RPRD1A: variants seen among roughly 807,000 people sequenced by gnomAD.
RPRD1A encodes regulation of nuclear pre-mRNA domain-containing protein 1A.
A neutral mutation model predicts 37.8 loss-of-function variants in RPRD1A; 9 were observed. The observed-to-expected ratio is 0.24, with a 90% CI of 0.14 to 0.42. The LOEUF is 0.42. Ranked by LOEUF, RPRD1A falls within the 10% of genes least tolerant of loss-of-function variation. The pLI, the probability that RPRD1A is intolerant of heterozygous loss-of-function variation, is 1.00. For synonymous variants in RPRD1A, 138 were observed against 139.7 expected (o/e 0.99, Z 0.08); for missense variants, 255 against 371.0 (o/e 0.69, Z 2.57).
At position 36,012,552 on chromosome 18, in the gene RPRD1A, A is replaced by C. The variant is rs567677037; in HGVS notation, c.789+14348T>G. ...CTAGAAGCAATAGGCTATACCATAA[A>C]GCCTCAGTGGGTAGTAGGTATACCA... On this transcript the variant is annotated intron_variant, in intron 6 of 6. Transcript: ENST00000399022. 4.6e-5 allele frequency among the ~76,000 whole-genome samples: 7 copies of C among 152,300 alleles called. No homozygotes were observed. The South Asian group carries it at 1.4e-3, about 32-fold the overall frequency.
intron 6 of RPRD1A, among the ~76,000 whole-genome samples, chr18:36,003,526 G>A (rs574109516): frequency 1.2e-4 from 18 of 152,298 alleles, no homozygotes; most frequent in African/African-American, 4.3e-4. Context: ...CAGACCAACG[G>A]TCTGACCTGT....
intron 4 of RPRD1A, among the ~76,000 whole-genome samples, chr18:36,029,810 C>CT (rs1003109258): frequency 1.1e-3 from 161 of 145,082 alleles, no homozygotes; most frequent in Non-Finnish European, 1.2e-3. Context: ...TCTAACACTA[C>CT]TTTTTTTTTT....
chr18:36,052,140 G>A (rs567601892), intron 1 of RPRD1A, among the ~76,000 whole-genome samples: 55 of 126,966 alleles, frequency 4.3e-4, no homozygotes, highest in South Asian at 1.4e-3. Flanking sequence ...GTGAGACAAT[G>A]TATTTAACAT....
intron 1 of RPRD1A, among the ~76,000 whole-genome samples, chr18:36,052,127 A>T (rs1913439863): frequency 6.7e-6 from 1 of 149,612 alleles, no homozygotes; most frequent in African/African-American, 2.5e-5. Flanking sequence ...AGACCAGAAA[A>T]CAGTGAGACA....
At chr18:36,033,886 G>T (rs559848262) in intron 1 of RPRD1A, 49 bp from the exon 2 acceptor site, 2 of 1,513,110 alleles carry the variant, frequency 1.3e-6, no homozygotes, top group Admixed American at 3.8e-5. Context: ...TCTTTACTTG[G>T]ACAAACTTTC....
chr18:36,006,530 G>T (rs1909758891), intron 6 of RPRD1A, among the ~76,000 whole-genome samples: 1 of 152,150 alleles, frequency 6.6e-6, no homozygotes, highest in Non-Finnish European at 1.5e-5. Context: ...GAGAGTGGTA[G>T]TTTTTCACCC....
intron 6 of RPRD1A, 140 bp from the exon 7 acceptor site, chr18:35,993,440 T>C (rs1488052812): frequency 5.3e-6 from 4 of 756,326 alleles, no homozygotes; most frequent in African/African-American, 1.8e-5. Flanking sequence ...AGTTTTCACA[T>C]CAAAAGATGA....
chr18:36,030,731 G>A (rs1014430691), intron 4 of RPRD1A, 77 bp downstream of exon 4: 18 of 846,796 alleles, frequency 2.1e-5, no homozygotes, highest in Non-Finnish European at 3.4e-5. Flanking sequence ...ATTTACAGAA[G>A]TGAAACGAAA....
intron 6 of RPRD1A, among the ~76,000 whole-genome samples, chr18:36,019,552 G>A (rs1329997506): frequency 6.6e-6 from 1 of 152,170 alleles, no homozygotes; most frequent in African/African-American, 2.4e-5. Context: ...GACAGGGGTG[G>A]TTTGGCAGCA....
chr18:35,995,297 T>A (rs1908978142), intron 6 of RPRD1A, among the ~76,000 whole-genome samples: 1 of 150,540 alleles, frequency 6.6e-6, no homozygotes, highest in Non-Finnish European at 1.5e-5. Context: ...GAGTTTCGCT[T>A]TTGTTGCCCA....
At chr18:36,060,240 A>G (rs1236493311) in intron 1 of RPRD1A, among the ~76,000 whole-genome samples, 2 of 152,180 alleles carry the variant, frequency 1.3e-5, no homozygotes, top group East Asian at 1.9e-4. Context: ...GACCATCCTG[A>G]CTAACACGGT....
chr18:35,996,432 G>A (rs1909060819), intron 6 of RPRD1A, among the ~76,000 whole-genome samples: 1 of 152,004 alleles, frequency 6.6e-6, no homozygotes, highest in African/African-American at 2.4e-5. Context: ...ATAACACGCT[G>A]GTTTCCCTTC....
At position 36,027,183 on chromosome 18, in the gene RPRD1A, C is replaced by T; in HGVS notation, c.613+1G>A. 6.2e-7 allele frequency: 1 copy of T among 1,613,724 alleles called. No individual in the cohort carries two copies. Among genetic ancestry groups the T allele is most frequent in the Non-Finnish European group, 8.5e-7 (1 of 1,179,750 alleles). On this transcript the variant is annotated splice_donor_variant, in intron 5 of 6. Coordinates refer to ENST00000399022, the MANE Select transcript of RPRD1A (RefSeq NM_018170.5). LOFTEE classifies it high-confidence loss of function. Reference sequence around the variant, plus strand: ...TTCTGGATCACATTTTCTTTTCTTACCTGTTATTTTATCTAATAGAGATAC... The same window carrying T: ...TTCTGGATCACATTTTCTTTTCTTATCTGTTATTTTATCTAATAGAGATAC...
At chr18:36,033,942 A>G (rs1912001340) in intron 1 of RPRD1A, 105 bp from the exon 2 acceptor site, 1 of 865,444 alleles carries the variant, frequency 1.2e-6, no homozygotes, top group Admixed American at 2.8e-5. Flanking sequence ...AACCCTACTA[A>G]CCTTTATGTA....
At chr18:36,024,570 TTAA>T (rs1022324887) in intron 6 of RPRD1A, among the ~76,000 whole-genome samples, 11 of 152,200 alleles carry the variant, frequency 7.2e-5, no homozygotes, top group Admixed American at 6.5e-4. Flanking sequence ...TACACATGCT[TTAA>T]TAATGGCTTC....
chr18:36,001,135 T>C (rs1909390489), intron 6 of RPRD1A, among the ~76,000 whole-genome samples: 1 of 152,100 alleles, frequency 6.6e-6, no homozygotes, highest in Non-Finnish European at 1.5e-5. Flanking sequence ...ACAAGAGTAA[T>C]AGCAGCAACA....
intron 1 of RPRD1A, among the ~76,000 whole-genome samples, chr18:36,054,383 C>T (rs577029918): frequency 6.6e-6 from 1 of 152,254 alleles, no homozygotes; most frequent in East Asian, 1.9e-4. Context: ...ATCCCAGCTA[C>T]TCGGGAGGCT....
chr18:36,028,543 C>T (rs971010566), intron 4 of RPRD1A, among the ~76,000 whole-genome samples: 4 of 152,110 alleles, frequency 2.6e-5, no homozygotes, highest in African/African-American at 9.7e-5. Flanking sequence ...ATTGTCTTGG[C>T]AATGCATTGA....
intron 6 of RPRD1A, among the ~76,000 whole-genome samples, chr18:36,023,805 T>C (rs966653749): frequency 6.6e-6 from 1 of 152,344 alleles, no homozygotes; most frequent in Middle Eastern, 3.4e-3. Context: ...TTAGTCTTTT[T>C]TAGCAATGAA....
Sources: gnomAD v4.1 joint callset for allele counts (sites outside exome capture counted in the v4.1 genomes callset) on GRCh38, gnomAD v4.1.1 for gene constraint, MANE v1.5 for transcripts, NCBI Gene and HGNC (gene_info 2026-07-23, HGNC 2026-07-21) for gene names.